Variants in VRK3 observed in about 807,000 individuals in gnomAD.
VRK3 encodes serine/threonine-protein kinase VRK3.
Under a neutral mutation model 60.4 loss-of-function variants are expected in VRK3, and 50 were observed. The ratio of observed to expected loss-of-function variants is 0.83; its 90% confidence interval spans 0.66 to 1.05. The LOEUF (loss-of-function observed/expected upper bound fraction) is 1.05, where lower values mean the gene tolerates loss of function less well. Among genes scored for constraint, VRK3 ranks in the 50% least tolerant of loss-of-function variants. The probability of loss-of-function intolerance (pLI) is 0.00; values close to 1 mark genes in which losing one functional copy is unlikely to be tolerated. For synonymous variants in VRK3, 246 were observed against 227.8 expected (o/e 1.08, Z -0.72); for missense variants, 549 against 585.3 (o/e 0.94, Z 0.64).
intron 5 of VRK3, among the ~76,000 whole-genome samples, chr19:50,004,788 T>C (rs899600243): frequency 2.0e-5 from 3 of 151,946 alleles, no homozygotes; most frequent in Non-Finnish European, 2.9e-5. Flanking sequence ...CGCCTGCCTG[T>C]AGTCCAAGCT....
At chr19:49,977,155 G>A (rs1162503424) in intron 14 of VRK3, among the ~76,000 whole-genome samples, 1 of 152,030 alleles carries the variant, frequency 6.6e-6, no homozygotes, top group Non-Finnish European at 1.5e-5. Context: ...ACTCGGGATG[G>A]CAGGTGCAAA....
At chr19:49,987,337 G>A (rs1483829785) in intron 12 of VRK3, among the ~76,000 whole-genome samples, 2 of 151,892 alleles carry the variant, frequency 1.3e-5, no homozygotes, top group African/African-American at 2.4e-5. Flanking sequence ...GTGTCCCGCT[G>A]CCTGCTGTTC....
At chr19:50,018,403 A>C (rs16981691) in intron 2 of VRK3, among the ~76,000 whole-genome samples, 7,979 of 152,254 alleles carry the variant, frequency 0.052, 686 homozygotes, top group African/African-American at 0.18. Context: ...TTTTGAAATT[A>C]TAGAGCTTGT....
chr19:49,993,557 C>A (rs9304693), intron 9 of VRK3, among the ~76,000 whole-genome samples: 7,953 of 152,152 alleles, frequency 0.052, 680 homozygotes, highest in African/African-American at 0.18. Context: ...TGCCACCACA[C>A]CCGGCTAATT....
rs547159967 is a variant in VRK3 at position 49,990,307 on chromosome 19, A to C, written c.964-536T>G. Among the ~76,000 whole-genome samples, 6 of 152,360 alleles carry C rather than the reference A, an allele frequency of 3.9e-5. No individual in the cohort carries two copies. The East Asian group carries it at 1.2e-3, about 29-fold the overall frequency. On this transcript the variant is annotated intron_variant, in intron 10 of 14. Transcript: ENST00000316763. The stretch of plus-strand genomic sequence containing the variant: ...ATAGTCCCCACCTCAAAGGGTTCTT[A>C]TAAGGCTTAACTGAGTTTAAAACAA...
rs1482668015 is a variant in VRK3, at chr19:49,981,808, A to G, written c.1218-795T>C. On this transcript the variant is annotated intron_variant, in intron 12 of 14. Transcript: ENST00000316763. ...CACACACACAGACACACACACACAC[A>G]CACACGCACACTGGTCAGGGAGCTC... is the stretch of plus-strand genomic sequence containing the variant. 3 of 1,118,148 alleles carry G rather than the reference A, an allele frequency of 2.7e-6. No homozygotes were observed. In the African/African-American group the frequency reaches 4.9e-5, roughly 18 times the overall value. The allele number at this position is 1,118,148 out of a possible 1,614,324, so 69.3% of individuals were successfully genotyped here. A position where few individuals can be genotyped will look rare whatever the true frequency, so the allele number is the denominator to read the frequency against.
chr19:50,013,182 C>CA (rs1035213817), intron 3 of VRK3, among the ~76,000 whole-genome samples: 3 of 151,752 alleles, frequency 2.0e-5, no homozygotes, highest in East Asian at 1.9e-4. Flanking sequence ...CAAAACAAAA[C>CA]AAAAAAAACA....
Position 49,988,389 on chromosome 19 carries a change from G to T in VRK3, c.1200C>A (p.Ile400=). 1 of 1,612,930 alleles carries T rather than the reference G, an allele frequency of 6.2e-7. No homozygotes were observed. The highest frequency in any genetic ancestry group is 1.1e-5 in the South Asian group (1 of 91,016). Residue 400 remains isoleucine, a synonymous_variant, in exon 12 of 15, where the codon ATC becomes ATA. Transcript: ENST00000316763. The part of the protein sequence containing the change: ...WTNCLPNTED[I]MKQKQKFVDK... ...AGACTCACTTCTGTTTTTGCTTCAT[G>T]ATGTCCTCAGTGTTGGGAAGGCAAT... is the stretch of plus-strand genomic sequence containing the variant.
At chr19:50,023,255 G>C (rs1020512100) in intron 1 of VRK3, among the ~76,000 whole-genome samples, 3 of 152,120 alleles carry the variant, frequency 2.0e-5, no homozygotes, top group Non-Finnish European at 4.4e-5. Context: ...GCACGATCTC[G>C]GCTTACTGCA....
chr19:50,018,406 G>C (rs1317818659), intron 2 of VRK3, among the ~76,000 whole-genome samples: 1 of 152,122 alleles, frequency 6.6e-6, no homozygotes, highest in Non-Finnish European at 1.5e-5. Context: ...TGAAATTATA[G>C]AGCTTGTCCT....
intron 3 of VRK3, among the ~76,000 whole-genome samples, chr19:50,011,679 TC>T (rs2076997919): frequency 6.6e-6 from 1 of 151,220 alleles, no homozygotes; most frequent in African/African-American, 2.4e-5. Flanking sequence ...CCAAACTCCC[TC>T]CCGTGGTCCT....
chr19:49,983,776 ACCTTAGGGTGC>A (rs2076464526), intron 12 of VRK3, among the ~76,000 whole-genome samples: 1 of 152,210 alleles, frequency 6.6e-6, no homozygotes, highest in African/African-American at 2.4e-5. Context: ...AGCGCAGGGC[ACCTTAGGGTGC>A]CAGGAAACGA....
intron 2 of VRK3, among the ~76,000 whole-genome samples, chr19:50,018,709 C>T (rs1043761883): frequency 6.6e-6 from 1 of 152,160 alleles, no homozygotes; most frequent in African/African-American, 2.4e-5. Flanking sequence ...ATCTCTTTCT[C>T]AAAGGCACAA....
chr19:49,977,149 G>A (rs149782484), intron 14 of VRK3, among the ~76,000 whole-genome samples: 152 of 152,164 alleles, frequency 1.0e-3, no homozygotes, highest in African/African-American at 3.5e-3. Flanking sequence ...TCCAGAACTC[G>A]GGATGGCAGG....
At chr19:49,989,546 T>C in intron 11 of VRK3, 93 bp downstream of exon 11, 1 of 1,474,646 alleles carries the variant, frequency 6.8e-7, no homozygotes, top group Non-Finnish European at 9.0e-7. Flanking sequence ...CTCTCCTGTC[T>C]GGCCACCTGC....
intron 14 of VRK3, among the ~76,000 whole-genome samples, chr19:49,976,986 C>T (rs573669227): frequency 2.6e-5 from 4 of 152,152 alleles, no homozygotes; most frequent in African/African-American, 9.7e-5. Flanking sequence ...ACTAAACACA[C>T]GCTTCCCTCC....
intron 10 of VRK3, among the ~76,000 whole-genome samples, chr19:49,990,681 T>G (rs371198781): frequency 2.0e-5 from 3 of 152,178 alleles, no homozygotes; most frequent in Non-Finnish European, 4.4e-5. Context: ...TTCCACCATA[T>G]GGATAGTGGA....
intron 12 of VRK3, among the ~76,000 whole-genome samples, chr19:49,986,010 CA>C (rs1407352302): frequency 6.6e-6 from 1 of 152,200 alleles, no homozygotes; most frequent in Non-Finnish European, 1.5e-5. Context: ...GGGGAAGCAC[CA>C]GGGGCAGTGC....
intron 11 of VRK3, 38 bp from the exon 12 acceptor site, chr19:49,988,530 G>A (rs1387189237): frequency 1.2e-6 from 2 of 1,604,198 alleles, no homozygotes; most frequent in South Asian, 1.1e-5. Flanking sequence ...CTCAAGTCTG[G>A]ACGCTCCACT....
Sources: allele counts gnomAD v4.1 joint callset (sites outside exome capture counted in the v4.1 genomes callset), GRCh38; gene constraint gnomAD v4.1.1; transcripts MANE v1.5; gene names NCBI Gene and HGNC (gene_info 2026-07-23, HGNC 2026-07-21).